Variants in OC90 observed in about 807,000 individuals in gnomAD.
OC90 encodes the protein otoconin-90.
In OC90, 46 loss-of-function variants were observed where a neutral mutation model predicts 47.3. The observed-to-expected ratio is 0.97, with a 90% CI of 0.77 to 1.24. The LOEUF (loss-of-function observed/expected upper bound fraction) is 1.24, where lower values mean the gene tolerates loss of function less well. Ranked by LOEUF, OC90 falls within the 50% of genes most tolerant of loss-of-function variation. The probability of loss-of-function intolerance (pLI) is 0.00; values close to 1 mark genes in which losing one functional copy is unlikely to be tolerated. For synonymous variants in OC90, 271 were observed against 219.5 expected (o/e 1.23, Z -2.07); for missense variants, 688 against 583.9 (o/e 1.18, Z -1.84).
chr8:132,046,042 G>A (rs113661107), intron 2 of OC90, among the ~76,000 whole-genome samples, 159 bp from the exon 3 acceptor site: 2 of 152,312 alleles, frequency 1.3e-5, no homozygotes, highest in African/African-American at 4.8e-5. Flanking sequence ...GATTTAGGAG[G>A]TAGTTCCTGA....
intron 4 of OC90, among the ~76,000 whole-genome samples, chr8:132,042,764 A>G (rs1206467182): frequency 1.3e-5 from 2 of 152,206 alleles, no homozygotes; most frequent in Non-Finnish European, 2.9e-5. Flanking sequence ...AAATCAAAAA[A>G]CAACAGATGG....
Position 132,031,880 on chromosome 8 carries a change from C to T in OC90, c.1031+1G>A. ...GAGCTGTCACCGCTGGCTCTCCATA[C>T]CTGTCTAGGTCATCCCTTGGCTCGC... On this transcript the variant is annotated splice_donor_variant, in intron 12 of 13. Transcript: ENST00000254627. LOFTEE classifies it high-confidence loss of function. The T allele has an allele frequency of 6.2e-7, 1 of 1,613,520 alleles. No homozygotes were observed. The highest frequency in any genetic ancestry group is 8.5e-7 in the Non-Finnish European group (1 of 1,179,628).
intron 2 of OC90, among the ~76,000 whole-genome samples, chr8:132,046,970 G>C (rs545629639): frequency 2.6e-5 from 4 of 152,294 alleles, no homozygotes; most frequent in African/African-American, 9.6e-5. Context: ...TGTTGCTAGG[G>C]ATTGTCCTGT....
intron 13 of OC90, 21 bp downstream of exon 13, chr8:132,029,052 T>C (rs776794927): frequency 1.3e-6 from 2 of 1,539,616 alleles, no homozygotes; most frequent in Non-Finnish European, 1.8e-6. Context: ...AATAACTCAA[T>C]GTGCAACCAA....
At chr8:132,042,492 C>G (rs1449681344) in intron 4 of OC90, among the ~76,000 whole-genome samples, 2 of 152,154 alleles carry the variant, frequency 1.3e-5, no homozygotes, top group African/African-American at 4.8e-5. Flanking sequence ...GCAGCAAGCG[C>G]AGTACCCAAC....
chr8:132,029,318 T>C (rs1402061712), intron 12 of OC90, 139 bp from the exon 13 acceptor site: 3 of 665,990 alleles, frequency 4.5e-6, no homozygotes, highest in East Asian at 5.4e-5. Flanking sequence ...CAGGGCTGAC[T>C]CATATACACA....
In OC90 at chr8:132,045,824, T is replaced by C; in HGVS notation, c.106A>G (p.Asn36Asp). The C allele has an allele frequency of 6.5e-7, 1 of 1,533,080 alleles. No homozygotes were observed. The highest frequency in any genetic ancestry group is 8.8e-7 in the Non-Finnish European group (1 of 1,130,044). The allele number at this position is 1,533,080 out of a possible 1,614,324, so 95.0% of individuals were successfully genotyped here. A position where few individuals can be genotyped will look rare whatever the true frequency, so the allele number is the denominator to read the frequency against. ...PQELPPGLPN[N>D]INITFFSGMF... Reference sequence around the variant, plus strand: ...AAGTTCTAAGAATCCTTACTGATATTGTTTGGGAGTCCTGGAGGCAGCTCC... The same window carrying C: ...AAGTTCTAAGAATCCTTACTGATATCGTTTGGGAGTCCTGGAGGCAGCTCC... Residue 36 changes from asparagine (N) to aspartate (D), a missense_variant, in exon 3 of 14, where the codon AAT (asparagine) becomes GAT (aspartate). Coordinates refer to ENST00000254627, the MANE Select transcript of OC90 (RefSeq NM_001080399.3).
chr8:132,042,173 A>G (rs7015017), intron 4 of OC90, among the ~76,000 whole-genome samples: 94,055 of 151,792 alleles, frequency 0.62, 29,677 homozygotes, highest in East Asian at 0.75. Flanking sequence ...GTGGATGAGG[A>G]TGTGCTAGCT....
intron 2 of OC90, among the ~76,000 whole-genome samples, chr8:132,048,926 G>A (rs4604414): frequency 0.31 from 47,369 of 151,128 alleles, 8,066 homozygotes; most frequent in East Asian, 0.47. Flanking sequence ...TGAGGCTGAG[G>A]CACCCACAGG....
chr8:132,037,533 T>C (rs1327639655), intron 8 of OC90, 45 bp from the exon 9 acceptor site: 2 of 1,524,012 alleles, frequency 1.3e-6, no homozygotes, highest in East Asian at 2.4e-5. Context: ...TGCAACACAG[T>C]GTCAAAACCA....
rs1011596660 is a variant in OC90 at position 132,029,231 on chromosome 8, AC to A, written c.1032-53del. 1.1e-5 allele frequency: 16 copies of A among 1,419,998 alleles called. No individual in the cohort carries two copies. In the African/African-American group the frequency reaches 2.0e-4, roughly 17 times the overall value. The allele number at this position is 1,419,998 out of a possible 1,614,324, so 88.0% of individuals were successfully genotyped here. On this transcript the variant is annotated intron_variant, in intron 12 of 13. Coordinates refer to ENST00000254627, the MANE Select transcript of OC90 (RefSeq NM_001080399.3). ...CTCAGAGCTCCTGGCTTCCCTAGGA[AC>A]CCCCTCAAGCACAGCCTGCTTCTCC...
chr8:132,058,843 T>C (rs950755504), intron 1 of OC90, among the ~76,000 whole-genome samples: 4 of 152,026 alleles, frequency 2.6e-5, no homozygotes, highest in Non-Finnish European at 4.4e-5. Flanking sequence ...GGTGGATTTT[T>C]CCCCCGGGTA....
At chr8:132,028,526 A>AAAGAAAGAAAGAAAGAAAG (rs1822797031) in intron 13 of OC90, among the ~76,000 whole-genome samples, 1 of 87,470 alleles carries the variant, frequency 1.1e-5, no homozygotes, top group Admixed American at 1.4e-4. Flanking sequence ...AGAAAGAAAG[A>AAAGAAAGAAAGAAAGAAAG]AAAGAAAGAA....
intron 10 of OC90, among the ~76,000 whole-genome samples, chr8:132,033,977 C>G (rs1314376265): frequency 6.6e-6 from 1 of 152,222 alleles, no homozygotes; most frequent in Non-Finnish European, 1.5e-5. Flanking sequence ...CTTCGTGCAT[C>G]TGGTCATCTA....
At position 132,037,496 on chromosome 8, in the gene OC90, AAG is replaced by A. The variant is rs1209708273; in HGVS notation, c.629-10_629-9del. On this transcript the variant is annotated splice_polypyrimidine_tract_variant and intron_variant, in intron 8 of 13. Coordinates refer to ENST00000254627, the MANE Select transcript of OC90 (RefSeq NM_001080399.3). ...TGGGCTCCACAGGAACCACTGGAAA[AAG>A]AGAGTTCCCAATAGCAGTGACTCAT... is the stretch of plus-strand genomic sequence containing the variant. 6.4e-7 allele frequency: 1 copy of A among 1,573,904 alleles called. No individual in the cohort carries two copies. Among genetic ancestry groups the A allele is most frequent in the East Asian group, 2.3e-5 (1 of 42,972 alleles).
At chr8:132,036,418 A>G (rs765936091) in intron 9 of OC90, 3 of 780,746 alleles carry the variant, frequency 3.8e-6, no homozygotes, top group Non-Finnish European at 7.2e-6. Flanking sequence ...CTCTGCAGCC[A>G]CTGTGAACAG....
intron 1 of OC90, among the ~76,000 whole-genome samples, chr8:132,055,983 G>A (rs1193671813): frequency 6.6e-6 from 1 of 152,184 alleles, no homozygotes; most frequent in African/African-American, 2.4e-5. Context: ...CATAAATAAT[G>A]TAAATACGGT....
intron 9 of OC90, among the ~76,000 whole-genome samples, chr8:132,036,722 GAA>G (rs1163738852): frequency 6.6e-6 from 1 of 152,192 alleles, no homozygotes; most frequent in African/African-American, 2.4e-5. Flanking sequence ...AGTTTAGAAG[GAA>G]AAAGTCTCTA....
rs201357683 is a variant in OC90 at position 132,053,932 on chromosome 8, G to A, written c.46+1049C>T. Reference sequence around the variant, plus strand: ...GGAGCCAACATGGAAGCTGCTCCCCGTCCTGCTGGAGGGATAGAGACCCCT... The same window carrying A: ...GGAGCCAACATGGAAGCTGCTCCCCATCCTGCTGGAGGGATAGAGACCCCT... On this transcript the variant is annotated intron_variant, in intron 2 of 13. Coordinates refer to ENST00000254627, the MANE Select transcript of OC90 (RefSeq NM_001080399.3). 3.0e-3 allele frequency among the ~76,000 whole-genome samples: 451 copies of A among 152,308 alleles called. 2 individuals are homozygous for A. The highest frequency in any genetic ancestry group is 2.8e-3 in the Non-Finnish European group (190 of 68,014).
Sources: allele counts gnomAD v4.1 joint callset (sites outside exome capture counted in the v4.1 genomes callset), GRCh38; gene constraint gnomAD v4.1.1; transcripts MANE v1.5; gene names NCBI Gene and HGNC (gene_info 2026-07-23, HGNC 2026-07-21).